Variants in NRAP observed in about 807,000 individuals in gnomAD.
NRAP encodes the protein nebulin-related-anchoring protein.
In NRAP, 189 loss-of-function variants were observed where a neutral mutation model predicts 225.9. The observed-to-expected ratio is 0.84, with a 90% CI of 0.74 to 0.94. The LOEUF is 0.94. Ranked by LOEUF, NRAP falls within the 40% of genes least tolerant of loss-of-function variation. The probability of loss-of-function intolerance (pLI) is 0.00; values close to 1 mark genes in which losing one functional copy is unlikely to be tolerated. For synonymous variants in NRAP, 769 were observed against 790.7 expected, an observed-to-expected ratio of 0.97 and a Z score of 0.46; for missense variants, 2,176 against 2,168.7, an observed-to-expected ratio of 1.00 and a Z score of -0.07.
chr10:113,646,800 G>A (rs1213852650), intron 10 of NRAP, 123 bp downstream of exon 10: 6 of 731,038 alleles, frequency 8.2e-6, no homozygotes. Context: ...GGGAGTTGAG[G>A]GCTAACATTC....
intron 12 of NRAP, 68 bp downstream of exon 12, chr10:113,642,866 C>T: frequency 1.2e-6 from 1 of 835,360 alleles, no homozygotes; most frequent in Non-Finnish European, 2.1e-6. Flanking sequence ...TAGACTGTCC[C>T]TCTTAGGAGA....
Position 113,604,773 on chromosome 10 carries a change from C to T in NRAP, c.4063G>A (p.Ala1355Thr), listed in dbSNP as rs760751690. 6.2e-7 allele frequency: 1 copy of T among 1,614,196 alleles called. No homozygotes were observed. Among genetic ancestry groups the T allele is most frequent in the Non-Finnish European group, 8.5e-7 (1 of 1,180,040 alleles). ...ATGTCCATGGGCAGATGGAACTGGG[C>T]TTGGCTGCTGGTCGCCCCCCTCCTG... ...QYRRGATSSQ[A>T]QFHLPMDMVH... Residue 1355 changes from alanine to threonine, a missense_variant, in exon 35 of 42, where the codon GCC becomes ACC. This residue lies in a region of NRAP where 1,708 missense variants were observed against 1,695.5 expected (regional missense o/e 1.01). Transcript: ENST00000359988.
At position 113,604,653 on chromosome 10, in the gene NRAP, G is replaced by A. The variant is rs878875461; in HGVS notation, c.4183C>T (p.Leu1395=). ...GCTTTCTTGGCCCAGGCCATCTTCAGGTCCTCGGGCAGTGCTGTGAACTTG... is the reference window on the plus strand; with the variant it reads ...GCTTTCTTGGCCCAGGCCATCTTCAAGTCCTCGGGCAGTGCTGTGAACTTG... ...YHKFTALPED[L]KMAWAKKAHA... Residue 1395 remains leucine (L), a synonymous_variant, in exon 35 of 42, where the codon CTG becomes TTG. Coordinates refer to ENST00000359988, the MANE Select transcript of NRAP (RefSeq NM_198060.4). The A allele has an allele frequency of 2.5e-6, 4 of 1,614,172 alleles. No individual in the cohort carries two copies. The highest frequency in any genetic ancestry group is 3.4e-6 in the Non-Finnish European group (4 of 1,180,012).
chr10:113,650,602 A>G, intron 7 of NRAP, 57 bp from the exon 8 acceptor site: 1 of 1,166,942 alleles, frequency 8.6e-7, no homozygotes, highest in Non-Finnish European at 1.3e-6. Context: ...GATCTTAGTG[A>G]GATGCTCTGC....
chr10:113,589,045 T>C lies in NRAP; in HGVS notation c.5123A>G (p.Gln1708Arg). 6.2e-7 allele frequency: 1 copy of C among 1,614,044 alleles called. No homozygotes were observed. Among genetic ancestry groups the C allele is most frequent in the Non-Finnish European group, 8.5e-7 (1 of 1,179,996 alleles). Residue 1708 changes from glutamine to arginine, a missense_variant, in exon 42 of 42, where the codon CAG (glutamine) becomes CGG (arginine). Coordinates refer to ENST00000359988, the MANE Select transcript of NRAP (RefSeq NM_198060.4). ...GGCATCTGGGTTCACCTCCCCACTC[T>C]GATGATCTCCAGCCTCCACTGCTTC... The part of the protein sequence containing the change: ...GAEAVEAGDH[Q>R]SGEVNPDATE...
In NRAP at chr10:113,660,272, C is replaced by T. The variant is rs543120013; in HGVS notation, c.255+2407G>A. On this transcript the variant is annotated intron_variant, in intron 3 of 41. Transcript: ENST00000359988. Reference sequence around the variant, plus strand: ...CACAATACACATGAACATGTGCACACACATACTCATGCACACACATCACAT... The same window carrying T: ...CACAATACACATGAACATGTGCACATACATACTCATGCACACACATCACAT... 8.2e-4 allele frequency among the ~76,000 whole-genome samples: 124 copies of T among 152,078 alleles called. 1 individual carries two copies. In the Middle Eastern group the frequency reaches 0.017, roughly 21 times the overall value.
At chr10:113,610,658 C>A in intron 30 of NRAP, 95 bp from the exon 31 acceptor site, 1 of 724,550 alleles carries the variant, frequency 1.4e-6, no homozygotes, top group Non-Finnish European at 2.4e-6. Flanking sequence ...CAGCATCTGA[C>A]AGCGTCATAA....
chr10:113,606,563 T>C (rs1846978459), intron 32 of NRAP, among the ~76,000 whole-genome samples: 1 of 152,132 alleles, frequency 6.6e-6, no homozygotes, highest in South Asian at 2.1e-4. Context: ...ACTCCTGAGG[T>C]TCCTTATATC....
chr10:113,621,075 A>G (rs1198404625), intron 24 of NRAP, among the ~76,000 whole-genome samples: 1 of 152,230 alleles, frequency 6.6e-6, no homozygotes, highest in Non-Finnish European at 1.5e-5. Flanking sequence ...CAAGAAAATG[A>G]GAATTCACAA....
chr10:113,636,789 A>G (rs1351789427), intron 14 of NRAP, among the ~76,000 whole-genome samples: 1 of 152,138 alleles, frequency 6.6e-6, no homozygotes, highest in Middle Eastern at 3.2e-3. Flanking sequence ...CAGGAGGATC[A>G]CGAGGTAGGG....
At chr10:113,652,710 T>C (rs1850054140) in intron 6 of NRAP, among the ~76,000 whole-genome samples, 1 of 152,190 alleles carries the variant, frequency 6.6e-6, no homozygotes, top group Admixed American at 6.5e-5. Context: ...TGGTCCAGAC[T>C]TTGGGTGAAC....
intron 30 of NRAP, among the ~76,000 whole-genome samples, chr10:113,611,203 G>A (rs1036162758): frequency 2.0e-5 from 3 of 152,090 alleles, no homozygotes; most frequent in Middle Eastern, 3.4e-3. Context: ...AGTGACAAAC[G>A]GGCCCCCGAG....
Position 113,629,751 on chromosome 10 carries a change from G to T in NRAP, c.1877C>A (p.Thr626Asn). 6.2e-7 allele frequency: 1 copy of T among 1,613,946 alleles called. No homozygotes were observed. The highest frequency in any genetic ancestry group is 8.5e-7 in the Non-Finnish European group (1 of 1,179,830). ...EYKKGFEESK[T>N]RFHLPMDMVN... is the part of the protein sequence containing the mutation. ...CATATCCATGGGCAGGTGAAACCGG[G>T]TCTTACTCTCTTCAAAGCCTTTCTT... The change falls in exon 19 of 42, where the codon ACC (threonine) becomes AAC (asparagine). Residue 626 changes from threonine (T) to asparagine (N), a missense_variant. By Grantham distance (65) the Thr-to-Asn change is moderately conservative (BLOSUM62 0). Coordinates refer to ENST00000359988, the MANE Select transcript of NRAP (RefSeq NM_198060.4).
Position 113,604,641 on chromosome 10 carries a change from AGGCCATCTTCAGGTCCTCGGGCAGTGC to A in NRAP, c.4168_4194del (p.Ala1390_Ala1398del), listed in dbSNP as rs1564704805. 1.2e-6 allele frequency: 2 copies of A among 1,613,946 alleles called. No homozygotes were observed. The highest frequency in any genetic ancestry group is 1.3e-5 in the African/African-American group (1 of 74,942). ...TGCAGGGCATGGGCTTTCTTGGCCC[AGGCCATCTTCAGGTCCTCGGGCAGTGC>A]TGTGAACTTGTGATACTGTGTCCTG... On this transcript the variant is annotated inframe_deletion, in exon 35 of 42. Coordinates refer to ENST00000359988, the MANE Select transcript of NRAP (RefSeq NM_198060.4).
chr10:113,637,444 C>T (rs1422888224), intron 14 of NRAP, among the ~76,000 whole-genome samples: 7 of 152,256 alleles, frequency 4.6e-5, no homozygotes, highest in Middle Eastern at 3.4e-3. Context: ...GTGCTTAGAG[C>T]GATTATTTGT....
Position 113,644,632 on chromosome 10 carries a change from A to C in NRAP, c.1110+1193T>G, listed in dbSNP as rs1014612003. On this transcript the variant is annotated intron_variant, in intron 11 of 41. Transcript: ENST00000359988. ...CAGTTGTTTAAAATGCAGATTCCAA[A>C]GCCTCAACAGTCATCTACCACTTCA... 2.0e-5 allele frequency among the ~76,000 whole-genome samples: 3 copies of C among 152,322 alleles called. No individual in the cohort carries two copies. In the East Asian group the frequency reaches 5.8e-4, roughly 29 times the overall value.
At position 113,589,690 on chromosome 10, in the gene NRAP, C is replaced by G; in HGVS notation, c.5064G>C (p.Arg1688Ser). 2 of 1,614,154 alleles carry G rather than the reference C, an allele frequency of 1.2e-6. No homozygotes were observed. Among genetic ancestry groups the G allele is most frequent in the South Asian group, 1.1e-5 (1 of 91,076 alleles). Residue 1688 changes from arginine to serine, a missense_variant, in exon 41 of 42, where the codon AGG becomes AGC. Arg to Ser is a moderately radical substitution (Grantham distance 110, BLOSUM62 -1). Coordinates refer to ENST00000359988, the MANE Select transcript of NRAP (RefSeq NM_198060.4). Reference sequence around the variant, plus strand: ...CGTAAGCTCCCTGGAGACCCAGGCCCCTTGCGTTGGCCAGTTCCGCAGCCC... The same window carrying G: ...CGTAAGCTCCCTGGAGACCCAGGCCGCTTGCGTTGGCCAGTTCCGCAGCCC... ...ARRAAELANA[R>S]GLGLQGAYRG...
Position 113,650,514 on chromosome 10 carries a change from C to T in NRAP, c.707G>A (p.Arg236Lys). ...CATCGCAGGGAAACTGCCTTTCCCT[C>T]TTTGTTGTTCATAGTCCTCTGTGTA... ...VRYTEDYEQQRGKGSFPAMIT... is the reference protein window; with the variant it reads ...VRYTEDYEQQKGKGSFPAMIT... The change falls in exon 8 of 42, where the codon AGA becomes AAA. Residue 236 changes from arginine (R) to lysine (K), a missense_variant. Coordinates refer to ENST00000359988, the MANE Select transcript of NRAP (RefSeq NM_198060.4). The T allele has an allele frequency of 6.2e-7, 1 of 1,613,508 alleles. No individual in the cohort carries two copies. The highest frequency in any genetic ancestry group is 1.3e-5 in the African/African-American group (1 of 74,986).
chr10:113,631,576 C>T lies in NRAP; in HGVS notation c.1775G>A (p.Gly592Asp), dbSNP rs111875129. Residue 592 changes from glycine to aspartate, a missense_variant, in exon 18 of 42, where the codon GGC (glycine) becomes GAC (aspartate). By Grantham distance (94) the Gly-to-Asp change is moderately conservative. This residue lies in a region of NRAP where 1,708 missense variants were observed against 1,695.5 expected (regional missense o/e 1.01). Transcript: ENST00000359988. ...KYKEEYEKTK[G>D]KAMGTADSRL... ...AGAGTCGGCTGTTCCCATGGCTTTG[C>T]CTTTTGTCTTTTCATATTCTTCTTT... 1.9e-6 allele frequency: 3 copies of T among 1,612,614 alleles called. No individual in the cohort carries two copies. Among genetic ancestry groups the T allele is most frequent in the African/African-American group, 1.3e-5 (1 of 74,958 alleles).
Sources: allele counts gnomAD v4.1 joint callset (sites outside exome capture counted in the v4.1 genomes callset), GRCh38; gene constraint gnomAD v4.1.1; regional missense constraint gnomAD v4.1.1; transcripts MANE v1.5; gene names NCBI Gene and HGNC (gene_info 2026-07-23, HGNC 2026-07-21).